MYT1L: variants seen among roughly 807,000 people sequenced by gnomAD.
The protein encoded by MYT1L is myelin transcription factor 1 like, also known as myelin transcription factor 1-like protein.
MYT1L carries 12 observed loss-of-function variants against 126.7 expected under a neutral mutation model. That is an observed-to-expected ratio of 0.09 (90% CI 0.06 to 0.15). MYT1L has a LOEUF of 0.15. Among genes scored for constraint, MYT1L ranks in the 10% least tolerant of loss-of-function variants. MYT1L has a pLI of 1.00. For synonymous variants in MYT1L, 541 were observed against 604.2 expected (o/e 0.90, Z 1.53); for missense variants, 979 against 1,585.2 (o/e 0.62, Z 6.49).
At chr2:2,206,306 A>C (rs1016014260) in intron 2 of MYT1L, among the ~76,000 whole-genome samples, 2 of 152,148 alleles carry the variant, frequency 1.3e-5, no homozygotes, top group African/African-American at 4.8e-5. Context: ...ATGTCTTTGA[A>C]CATCTATTTG....
chr2:1,863,219 C>T (rs1396257706), intron 18 of MYT1L, among the ~76,000 whole-genome samples: 1 of 152,160 alleles, frequency 6.6e-6, no homozygotes, highest in African/African-American at 2.4e-5. Context: ...CTCAGGAGAA[C>T]TGAGTGTGGA....
chr2:1,836,576 C>T (rs528403462), intron 21 of MYT1L, among the ~76,000 whole-genome samples: 1 of 149,864 alleles, frequency 6.7e-6, no homozygotes, highest in South Asian at 2.2e-4. Flanking sequence ...TATCAGCCCG[C>T]CCCCAATATT....
At chr2:2,089,962 T>C (rs2076745155) in intron 3 of MYT1L, among the ~76,000 whole-genome samples, 1 of 152,242 alleles carries the variant, frequency 6.6e-6, no homozygotes, top group Non-Finnish European at 1.5e-5. Flanking sequence ...CAGCAGTTCC[T>C]GTCCTTCAAA....
chr2:1,968,788 A>G (rs1321127255), intron 8 of MYT1L, among the ~76,000 whole-genome samples: 1 of 152,192 alleles, frequency 6.6e-6, no homozygotes, highest in African/African-American at 2.4e-5. Context: ...GCTGCACGGC[A>G]CACACAGCCA....
intron 2 of MYT1L, among the ~76,000 whole-genome samples, chr2:2,264,837 A>G (rs979955753): frequency 6.6e-6 from 1 of 152,168 alleles, no homozygotes; most frequent in African/African-American, 2.4e-5. Flanking sequence ...ACCCAAATCA[A>G]TTCAGCAACT....
chr2:1,995,060 G>T (rs1197336004), intron 5 of MYT1L, among the ~76,000 whole-genome samples: 1 of 151,864 alleles, frequency 6.6e-6, no homozygotes. Flanking sequence ...AAATGAAAAT[G>T]TTCTGAAAGT....
chr2:1,823,020 C>T (rs1387213626), intron 21 of MYT1L, among the ~76,000 whole-genome samples: 2 of 152,166 alleles, frequency 1.3e-5, no homozygotes, highest in East Asian at 3.9e-4. Context: ...GATGGCCTGG[C>T]CCCTACACCT....
intron 3 of MYT1L, among the ~76,000 whole-genome samples, chr2:2,142,105 T>C (rs1412517649): frequency 2.6e-5 from 4 of 152,156 alleles, no homozygotes; most frequent in Non-Finnish European, 5.9e-5. Context: ...AGTTCATGCT[T>C]TCTCTCATAT....
chr2:2,175,996 A>C (rs1313062876), intron 2 of MYT1L, among the ~76,000 whole-genome samples: 1 of 152,184 alleles, frequency 6.6e-6, no homozygotes, highest in Non-Finnish European at 1.5e-5. Flanking sequence ...CTGGCTGAAT[A>C]AGGAGCTTGT....
intron 2 of MYT1L, among the ~76,000 whole-genome samples, chr2:2,230,462 C>T (rs969217726): frequency 6.6e-6 from 1 of 152,222 alleles, no homozygotes; most frequent in African/African-American, 2.4e-5. Context: ...TTATGAATCG[C>T]CAATGTACTT....
intron 2 of MYT1L, among the ~76,000 whole-genome samples, chr2:2,180,948 CTG>C (rs151085149): frequency 2.2e-4 from 32 of 145,766 alleles, no homozygotes; most frequent in Non-Finnish European, 3.4e-4. Context: ...CTGCATGTGC[CTG>C]TGTGTGCACC....
chr2:1,821,391 C>A (rs1039302006), intron 21 of MYT1L, among the ~76,000 whole-genome samples: 3 of 152,010 alleles, frequency 2.0e-5, no homozygotes, highest in African/African-American at 7.2e-5. Context: ...TACATTTTAA[C>A]TTTCAAAGTA....
intron 3 of MYT1L, among the ~76,000 whole-genome samples, chr2:2,096,950 TA>T (rs1000186762): frequency 1.8e-4 from 27 of 152,250 alleles, no homozygotes; most frequent in African/African-American, 5.5e-4. Flanking sequence ...CAGTGTGGGC[TA>T]GGGGGCCCAG....
intron 8 of MYT1L, among the ~76,000 whole-genome samples, chr2:1,957,051 G>A (rs1413557035): frequency 6.6e-6 from 1 of 152,180 alleles, no homozygotes; most frequent in East Asian, 1.9e-4. Context: ...CACTGGTTGT[G>A]CCCAGTCCAG....
chr2:2,058,106 T>C (rs1417565067), intron 3 of MYT1L, among the ~76,000 whole-genome samples: 4 of 152,208 alleles, frequency 2.6e-5, no homozygotes, highest in African/African-American at 9.7e-5. Context: ...AATTTGGTGT[T>C]TTCTTTGTGT....
At chr2:1,911,439 A>C (rs569635451) in intron 12 of MYT1L, among the ~76,000 whole-genome samples, 1 of 152,338 alleles carries the variant, frequency 6.6e-6, no homozygotes, top group Admixed American at 6.5e-5. Flanking sequence ...AGTTCTTATC[A>C]AGTCTGCACA....
At chr2:2,217,035 C>A (rs1250891411) in intron 2 of MYT1L, among the ~76,000 whole-genome samples, 1 of 152,160 alleles carries the variant, frequency 6.6e-6, no homozygotes, top group African/African-American at 2.4e-5. Context: ...TTGTAGTTAA[C>A]AACTTTTCCA....
At chr2:2,219,801 T>G (rs1401303193) in intron 2 of MYT1L, among the ~76,000 whole-genome samples, 1 of 152,198 alleles carries the variant, frequency 6.6e-6, no homozygotes, top group Non-Finnish European at 1.5e-5. Context: ...TAAATGACCC[T>G]GTCTCCTTTT....
intron 2 of MYT1L, among the ~76,000 whole-genome samples, chr2:2,208,019 A>C (rs996111258): frequency 6.6e-5 from 10 of 151,950 alleles, no homozygotes; most frequent in Non-Finnish European, 1.0e-4. Flanking sequence ...TCAGTGGCAA[A>C]CCCTCCTGTT....
Sources: gnomAD v4.1 joint callset for allele counts (sites outside exome capture counted in the v4.1 genomes callset) on GRCh38, gnomAD v4.1.1 for gene constraint, MANE v1.5 for transcripts, NCBI Gene and HGNC (gene_info 2026-07-23, HGNC 2026-07-21) for gene names.